Variants in SLCO1C1 observed in about 807,000 individuals in gnomAD.
SLCO1C1 encodes the protein solute carrier organic anion transporter family member 1C1.
A neutral mutation model predicts 76.4 loss-of-function variants in SLCO1C1; 70 were observed. That is an observed-to-expected ratio of 0.92 (90% CI 0.76 to 1.12). The LOEUF (loss-of-function observed/expected upper bound fraction) is 1.12, where lower values mean the gene tolerates loss of function less well. Among genes scored for constraint, SLCO1C1 ranks in the 50% most tolerant of loss-of-function variants. SLCO1C1 has a pLI of 0.00. For synonymous variants in SLCO1C1, 306 were observed against 286.1 expected, an observed-to-expected ratio of 1.07 and a Z score of -0.70; for missense variants, 912 against 823.8, an observed-to-expected ratio of 1.11 and a Z score of -1.31.
chr12:20,714,004 T>G (rs1024093174), intron 5 of SLCO1C1, among the ~76,000 whole-genome samples: 5 of 152,208 alleles, frequency 3.3e-5, no homozygotes, highest in African/African-American at 9.6e-5. Context: ...ATATCATATT[T>G]TTGGAAGCAG....
intron 9 of SLCO1C1, among the ~76,000 whole-genome samples, chr12:20,728,293 T>G (rs1315892999): frequency 6.6e-6 from 1 of 152,190 alleles, no homozygotes; most frequent in Non-Finnish European, 1.5e-5. Flanking sequence ...TTTCTTGTTT[T>G]TGTCAGCTTT....
At chr12:20,730,492 G>T (rs1948218992) in intron 9 of SLCO1C1, among the ~76,000 whole-genome samples, 1 of 152,064 alleles carries the variant, frequency 6.6e-6, no homozygotes, top group Admixed American at 6.6e-5. Flanking sequence ...TAAATAACTG[G>T]GTTTGTTGAT....
At chr12:20,740,783 T>TATATATATA (rs1406774430) in intron 12 of SLCO1C1, among the ~76,000 whole-genome samples, 1,595 of 53,622 alleles carry the variant, frequency 0.03, 241 homozygotes, top group Middle Eastern at 0.071. Flanking sequence ...AGAATTTATT[T>TATATATATA]TATTTATATA....
chr12:20,728,483 G>T (rs533254793), intron 9 of SLCO1C1, among the ~76,000 whole-genome samples: 1 of 151,632 alleles, frequency 6.6e-6, no homozygotes, highest in East Asian at 1.9e-4. Flanking sequence ...TAGTAGACAA[G>T]ATATATCAAC....
In SLCO1C1 at chr12:20,699,563, G is replaced by A; in HGVS notation, c.-14G>A. 1 of 1,598,756 alleles carries A rather than the reference G, an allele frequency of 6.3e-7. No homozygotes were observed. The highest frequency in any genetic ancestry group is 8.5e-7 in the Non-Finnish European group (1 of 1,174,666). ...ACTAACTTTGACAGATCAGAGTCAA[G>A]GAATGTGTTTATAATGGACACTTCA... On this transcript the variant is annotated 5_prime_UTR_variant, in exon 2 of 15. Transcript: ENST00000266509.
At chr12:20,715,057 A>G (rs1356496260) in intron 5 of SLCO1C1, 82 bp from the exon 6 acceptor site, 1 of 1,528,898 alleles carries the variant, frequency 6.5e-7, no homozygotes, top group Non-Finnish European at 8.9e-7. Context: ...GTTCAGTTTA[A>G]GATATACGGT....
intron 6 of SLCO1C1, among the ~76,000 whole-genome samples, chr12:20,716,240 C>T (rs1274832358): frequency 1.3e-5 from 2 of 152,142 alleles, no homozygotes; most frequent in Non-Finnish European, 2.9e-5. Context: ...TCAGTAAAAT[C>T]AGGAACTGGA....
At chr12:20,737,469 T>A (rs557811826) in intron 11 of SLCO1C1, among the ~76,000 whole-genome samples, 197 bp downstream of exon 11, 1 of 152,220 alleles carries the variant, frequency 6.6e-6, no homozygotes, top group South Asian at 2.1e-4. Context: ...GGGTGAGAAT[T>A]AGAGTCATCA....
chr12:20,724,715 G>A (rs1947877497), intron 9 of SLCO1C1, among the ~76,000 whole-genome samples: 1 of 147,770 alleles, frequency 6.8e-6, no homozygotes, highest in Admixed American at 6.8e-5. Context: ...CATAGCAGTG[G>A]TACATTCTTT....
At chr12:20,727,586 T>C (rs1948078042) in intron 9 of SLCO1C1, among the ~76,000 whole-genome samples, 1 of 152,140 alleles carries the variant, frequency 6.6e-6, no homozygotes, top group African/African-American at 2.4e-5. Flanking sequence ...CTCGGCTCAC[T>C]GCAAGCTCCG....
rs370947438 is a variant in SLCO1C1, at chr12:20,723,248, G to C, written c.1180G>C (p.Val394Leu). 1 of 1,613,686 alleles carries C rather than the reference G, an allele frequency of 6.2e-7. No homozygotes were observed. Among genetic ancestry groups the C allele is most frequent in the South Asian group, 1.1e-5 (1 of 90,946 alleles). ...YGQSSSRANFVIGLINIPAVA... is the reference protein window; with the variant it reads ...YGQSSSRANFLIGLINIPAVA... ...ACAGTCATCCTCCAGGGCCAACTTT[G>C]TGATCGGTATGCTCATCTGCCTTTC... Residue 394 changes from valine (V) to leucine (L), a missense_variant, in exon 9 of 15, where the codon GTG becomes CTG. Coordinates refer to ENST00000266509, the MANE Select transcript of SLCO1C1 (RefSeq NM_017435.5).
chr12:20,737,485 G>A (rs949108672), intron 11 of SLCO1C1, among the ~76,000 whole-genome samples: 1 of 152,086 alleles, frequency 6.6e-6, no homozygotes, highest in East Asian at 1.9e-4. Context: ...CATCAAATAG[G>A]GTGGAAGAGA....
In SLCO1C1 at chr12:20,752,787, T is replaced by G. The variant is rs1413582713; in HGVS notation, c.*259T>G. The G allele has an allele frequency of 4.2e-6, 1 of 240,058 alleles. No individual in the cohort carries two copies. Among genetic ancestry groups the G allele is most frequent in the African/African-American group, 2.2e-5 (1 of 44,630 alleles). 14.9% of individuals were successfully genotyped at this position (240,058 alleles called of 1,614,324 possible). ...ACTTACTTATTTCACTTTATTTTGCTTTGTGCTCATTGATATATATTAGCT... is the reference window on the plus strand; with the variant it reads ...ACTTACTTATTTCACTTTATTTTGCGTTGTGCTCATTGATATATATTAGCT... On this transcript the variant is annotated 3_prime_UTR_variant, in exon 15 of 15. Coordinates refer to ENST00000266509, the MANE Select transcript of SLCO1C1 (RefSeq NM_017435.5).
intron 12 of SLCO1C1, 144 bp from the exon 13 acceptor site, chr12:20,743,161 C>G: frequency 1.6e-6 from 1 of 644,886 alleles, no homozygotes; most frequent in Non-Finnish European, 2.6e-6. Flanking sequence ...TTTGCCCTCC[C>G]TATGTTAGCA....
chr12:20,730,829 G>C (rs1948228571), intron 9 of SLCO1C1, among the ~76,000 whole-genome samples: 1 of 152,118 alleles, frequency 6.6e-6, no homozygotes, highest in Admixed American at 6.5e-5. Context: ...GGTCTGTCCT[G>C]CAGTCCCCAG....
intron 2 of SLCO1C1, chr12:20,699,921 C>T (rs988304707): frequency 5.1e-6 from 2 of 392,074 alleles, no homozygotes; most frequent in Middle Eastern, 6.7e-4. Flanking sequence ...TAAATGCCCC[C>T]CCAAACAGAA....
intron 1 of SLCO1C1, among the ~76,000 whole-genome samples, chr12:20,696,364 T>A (rs1429657807): frequency 6.6e-6 from 1 of 152,050 alleles, no homozygotes; most frequent in Non-Finnish European, 1.5e-5. Context: ...CGTGGTTGCC[T>A]TTAGGACTTT....
At chr12:20,702,884 G>A (rs1946588245) in intron 3 of SLCO1C1, among the ~76,000 whole-genome samples, 1 of 151,838 alleles carries the variant, frequency 6.6e-6, no homozygotes, top group Non-Finnish European at 1.5e-5. Flanking sequence ...GAGCTGAAGA[G>A]GCATAGAAAT....
rs1273555645 is a variant in SLCO1C1, at chr12:20,745,349, T to C, written c.1798+1980T>C. 2.0e-5 allele frequency among the ~76,000 whole-genome samples: 3 copies of C among 152,164 alleles called. No homozygotes were observed. In the East Asian group the frequency reaches 5.8e-4, roughly 29 times the overall value. On this transcript the variant is annotated intron_variant, in intron 13 of 14. Transcript: ENST00000266509. Reference sequence around the variant, plus strand: ...GCATACATGAAAAACTTTAAATGCCTTAAAAAATAAAATTTTTTGCCAAAT... The same window carrying C: ...GCATACATGAAAAACTTTAAATGCCCTAAAAAATAAAATTTTTTGCCAAAT...
Sources: gnomAD v4.1 joint callset for allele counts (sites outside exome capture counted in the v4.1 genomes callset) on GRCh38, gnomAD v4.1.1 for gene constraint, MANE v1.5 for transcripts, NCBI Gene and HGNC (gene_info 2026-07-23, HGNC 2026-07-21) for gene names.